The following POM121C variants were observed in gnomAD, a reference collection of about 807,000 sequenced individuals.
The protein encoded by POM121C is POM121 transmembrane nucleoporin C.
In POM121C, 20 loss-of-function variants were observed where a neutral mutation model predicts 66.4. That is an observed-to-expected ratio of 0.30 (90% CI 0.21 to 0.44). The LOEUF (loss-of-function observed/expected upper bound fraction) is 0.44. Among genes scored for constraint, POM121C ranks in the 20% least tolerant of loss-of-function variants. POM121C has a pLI of 1.00. For synonymous variants in POM121C, 286 were observed against 528.0 expected, an observed-to-expected ratio of 0.54 and a Z score of 6.28; for missense variants, 580 against 1,225.7, an observed-to-expected ratio of 0.47 and a Z score of 7.87.
At chr7:75,435,667 GAT>G (rs1186858006) in intron 7 of POM121C, among the ~76,000 whole-genome samples, 5 of 152,164 alleles carry the variant, frequency 3.3e-5, no homozygotes, top group Non-Finnish European at 7.4e-5. Context: ...TTCACAGAGG[GAT>G]ATAAAGACCA....
At chr7:75,430,901 C>G (rs1436144234) in intron 7 of POM121C, among the ~76,000 whole-genome samples, 1 of 151,556 alleles carries the variant, frequency 6.6e-6, no homozygotes, top group Non-Finnish European at 1.5e-5. Context: ...ATGGTGAAAC[C>G]CTGTCTTTAC....
In POM121C at chr7:75,424,180, G is replaced by C. The variant is rs1563138261; in HGVS notation, c.917C>G (p.Pro306Arg). Reference protein sequence around the residue: ...SVTETPPTTQPSFTFTLPAAA... With the variant: ...SVTETPPTTQRSFTFTLPAAA... Reference sequence around the variant, plus strand: ...AGCAGGCAGGGTAAAGGTAAATGAAGGCTGAGTGGTAGGTGGGGTCTCAGT... The same window carrying C: ...AGCAGGCAGGGTAAAGGTAAATGAACGCTGAGTGGTAGGTGGGGTCTCAGT... Residue 306 changes from proline to arginine, a missense_variant, in exon 12 of 15, where the codon CCT (proline) becomes CGT (arginine). Physicochemically the swap from Pro to Arg is moderately radical, Grantham distance 103. Coordinates refer to ENST00000615331, the MANE Select transcript of POM121C (RefSeq NM_001099415.3). 1.2e-6 allele frequency: 2 copies of C among 1,612,038 alleles called. No homozygotes were observed. The highest frequency in any genetic ancestry group is 1.7e-6 in the Non-Finnish European group (2 of 1,179,872).
intron 3 of POM121C, among the ~76,000 whole-genome samples, chr7:75,458,419 C>T (rs1308792279): frequency 2.0e-5 from 3 of 152,124 alleles, no homozygotes; most frequent in Non-Finnish European, 4.4e-5. Context: ...GTCCCAGCTA[C>T]TCAAGAGGCT....
chr7:75,443,127 A>C (rs1563146175), intron 3 of POM121C, among the ~76,000 whole-genome samples: 1 of 152,194 alleles, frequency 6.6e-6, no homozygotes, highest in African/African-American at 2.4e-5. Context: ...TTTCCCCCCC[A>C]CTTCCATTTC....
rs376008578 is a variant in POM121C, at chr7:75,425,161, C to T, written c.681G>A (p.Ser227=). The change falls in exon 10 of 15, where the codon TCG becomes TCA. Residue 227 remains serine, a synonymous_variant. Transcript: ENST00000615331. ...ADTTPRKKQN[S]NSQSTPGSSG... Reference sequence around the variant, plus strand: ...AGCTGCCAGGTGTAGACTGAGAATTCGAGTTTTGTTTCTTCCTTGGGGTTG... The same window carrying T: ...AGCTGCCAGGTGTAGACTGAGAATTTGAGTTTTGTTTCTTCCTTGGGGTTG... 734 of 1,492,066 alleles carry T rather than the reference C, an allele frequency of 4.9e-4. 3 individuals are homozygous for T. Among genetic ancestry groups the T allele is most frequent in the Middle Eastern group, 3.8e-3 (15 of 3,984 alleles). 92.4% of individuals were successfully genotyped at this position (1,492,066 alleles called of 1,614,324 possible).
rs377752349 is a variant in POM121C, at chr7:75,465,156, G to A, written c.-152+9548C>T. Among the ~76,000 whole-genome samples, 31 of 151,544 alleles carry A rather than the reference G, an allele frequency of 2.0e-4. No homozygotes were observed. In the East Asian group the frequency reaches 3.9e-3, roughly 19 times the overall value. On this transcript the variant is annotated intron_variant, in intron 3 of 14. Transcript: ENST00000615331. ...ATTACAGGCATGCGCCACCATGCCC[G>A]GCTATTTTTGTATTTTTAGTAGAGA...
chr7:75,427,988 T>A (rs1790021952), intron 7 of POM121C, among the ~76,000 whole-genome samples: 1 of 151,944 alleles, frequency 6.6e-6, no homozygotes, highest in Non-Finnish European at 1.5e-5. Flanking sequence ...CACAATGGTT[T>A]AAAAAACATG....
chr7:75,468,038 C>A (rs187391689), intron 3 of POM121C, among the ~76,000 whole-genome samples: 1 of 147,956 alleles, frequency 6.8e-6, no homozygotes, highest in Non-Finnish European at 1.5e-5. Flanking sequence ...GGGCTGAGGC[C>A]GGAGAATTGC....
intron 3 of POM121C, among the ~76,000 whole-genome samples, chr7:75,456,997 A>T (rs371164430): frequency 6.0e-5 from 8 of 133,582 alleles, no homozygotes; most frequent in Non-Finnish European, 1.3e-4. Context: ...TAATACAAAC[A>T]TGAGCTGGGC....
chr7:75,448,757 G>A (rs1216184561), intron 3 of POM121C, among the ~76,000 whole-genome samples: 1 of 148,298 alleles, frequency 6.7e-6, no homozygotes, highest in East Asian at 2.0e-4. Flanking sequence ...CCGAGATGGC[G>A]CCACTGCACT....
In POM121C at chr7:75,441,371, A is replaced by C. The variant is rs1198964421; in HGVS notation, c.65+61T>G. 4.0e-6 allele frequency: 6 copies of C among 1,485,472 alleles called. No individual in the cohort carries two copies. The African/African-American group carries it at 8.6e-5, about 21-fold the overall frequency. 92.0% of individuals were successfully genotyped at this position (1,485,472 alleles called of 1,614,324 possible). ...GTTGTAGTCATGTTGTCACAGGAAC[A>C]ACTGGAGAAGAATAAAGTGGACACG... On this transcript the variant is annotated intron_variant, in intron 4 of 14. Transcript: ENST00000615331.
At chr7:75,419,606 T>C in intron 13 of POM121C, 164 bp from the exon 14 acceptor site, 1 of 795,286 alleles carries the variant, frequency 1.3e-6, no homozygotes, top group South Asian at 2.0e-5. Context: ...CAACCGAGTC[T>C]TCATGCCTGG....
rs145393478 is a variant in POM121C at position 75,434,565 on chromosome 7, C to T, written c.480+2950G>A. 4.0e-3 allele frequency among the ~76,000 whole-genome samples: 568 copies of T among 142,636 alleles called. 4 individuals are homozygous for T. Among genetic ancestry groups the T allele is most frequent in the African/African-American group, 0.014 (543 of 38,110 alleles). 93.6% of individuals were successfully genotyped at this position (142,636 alleles called of 152,430 possible). A position where few individuals can be genotyped will look rare whatever the true frequency, so the allele number is the denominator to read the frequency against. ...GTGCTGGGATTACAAGAGTGAGCCACGGTGGCGCTCAGCTAGCTTTTTTTT... is the reference window on the plus strand; with the variant it reads ...GTGCTGGGATTACAAGAGTGAGCCATGGTGGCGCTCAGCTAGCTTTTTTTT... On this transcript the variant is annotated intron_variant, in intron 7 of 14. Coordinates refer to ENST00000615331, the MANE Select transcript of POM121C (RefSeq NM_001099415.3).
chr7:75,447,533 TAAAGTGCTG>T (rs1175119828), intron 3 of POM121C, among the ~76,000 whole-genome samples: 3 of 151,416 alleles, frequency 2.0e-5, no homozygotes, highest in Non-Finnish European at 4.4e-5. Context: ...ACTTGATCTT[TAAAGTGCTG>T]AAGGCAAAAA....
intron 3 of POM121C, among the ~76,000 whole-genome samples, chr7:75,460,397 G>C (rs1306389704): frequency 6.6e-6 from 1 of 152,034 alleles, no homozygotes; most frequent in Non-Finnish European, 1.5e-5. Context: ...AGCTACTCGG[G>C]AGGCTGAGGT....
chr7:75,481,030 A>AAAATATAT (rs1363095854), intron 1 of POM121C, among the ~76,000 whole-genome samples: 2 of 137,026 alleles, frequency 1.5e-5, no homozygotes, highest in Non-Finnish European at 3.3e-5. Context: ...TAGTTCAAAA[A>AAAATATAT]ATATATATAT....
intron 3 of POM121C, among the ~76,000 whole-genome samples, chr7:75,448,224 G>A (rs1207074958): frequency 3.3e-5 from 5 of 151,730 alleles, no homozygotes; most frequent in African/African-American, 1.2e-4. Context: ...GTAACAGAGC[G>A]AGACTCTGTC....
intron 7 of POM121C, among the ~76,000 whole-genome samples, chr7:75,436,507 G>A (rs183495774): frequency 3.9e-5 from 6 of 152,258 alleles, no homozygotes; most frequent in East Asian, 1.9e-4. Context: ...GAGGGGTAAT[G>A]GTATTATGGT....
chr7:75,433,383 T>A (rs1790264748), intron 7 of POM121C, among the ~76,000 whole-genome samples: 1 of 151,806 alleles, frequency 6.6e-6, no homozygotes, highest in Non-Finnish European at 1.5e-5. Context: ...TGAGATGGAG[T>A]CTCGCTCTGT....
Sources: gnomAD v4.1 joint callset for allele counts (sites outside exome capture counted in the v4.1 genomes callset) on GRCh38, gnomAD v4.1.1 for gene constraint, MANE v1.5 for transcripts, NCBI Gene and HGNC (gene_info 2026-07-23, HGNC 2026-07-21) for gene names.